DYNC1I1: variants seen among roughly 807,000 people sequenced by gnomAD.
The protein encoded by DYNC1I1 is cytoplasmic dynein 1 intermediate chain 1.
Under a neutral mutation model 86.6 loss-of-function variants are expected in DYNC1I1, and 43 were observed. The ratio of observed to expected loss-of-function variants is 0.50; its 90% CI spans 0.39 to 0.64. DYNC1I1 has a LOEUF of 0.64. Among genes scored for constraint, DYNC1I1 ranks in the 30% least tolerant of loss-of-function variants. DYNC1I1 has a pLI of 0.00. For synonymous variants in DYNC1I1, 262 were observed against 283.7 expected (o/e 0.92, Z 0.77); for missense variants, 604 against 788.8 (o/e 0.77, Z 2.81).
At chr7:96,021,464 G>T (rs987399209) in intron 10 of DYNC1I1, among the ~76,000 whole-genome samples, 8 of 152,110 alleles carry the variant, frequency 5.3e-5, no homozygotes, top group African/African-American at 2.4e-5. Context: ...AACAAATAAG[G>T]TTGGTAAGTT....
chr7:96,035,833 G>A, intron 13 of DYNC1I1, 81 bp downstream of exon 13: 9 of 1,571,986 alleles, frequency 5.7e-6, no homozygotes, highest in Non-Finnish European at 7.7e-6. Flanking sequence ...TAACCACCTT[G>A]CATTATGAGA....
chr7:95,814,246 T>C (rs77658143), intron 4 of DYNC1I1, among the ~76,000 whole-genome samples: 2,013 of 152,294 alleles, frequency 0.013, 34 homozygotes, highest in African/African-American at 0.044. Flanking sequence ...GATATTCAGG[T>C]GATAATCTCC....
At chr7:95,822,344 A>G (rs1217111467) in intron 4 of DYNC1I1, among the ~76,000 whole-genome samples, 1 of 152,156 alleles carries the variant, frequency 6.6e-6, no homozygotes, top group Non-Finnish European at 1.5e-5. Flanking sequence ...AAGAATTTTG[A>G]TGTTTGCCTA....
intron 8 of DYNC1I1, among the ~76,000 whole-genome samples, chr7:95,985,586 A>G (rs1400253728): frequency 6.6e-6 from 1 of 152,172 alleles, no homozygotes; most frequent in Non-Finnish European, 1.5e-5. Context: ...ATGACTGTCA[A>G]CCATCATCCT....
chr7:95,878,961 A>AC (rs1253892851), intron 6 of DYNC1I1, among the ~76,000 whole-genome samples: 1 of 151,682 alleles, frequency 6.6e-6, no homozygotes, highest in African/African-American at 2.4e-5. Context: ...GAAAAAAAAA[A>AC]AAACAACTAT....
chr7:96,048,232 T>G (rs1255089837), intron 14 of DYNC1I1, among the ~76,000 whole-genome samples: 1 of 152,080 alleles, frequency 6.6e-6, no homozygotes, highest in Non-Finnish European at 1.5e-5. Context: ...TAATTTAAAT[T>G]TTATGAGGTG....
intron 16 of DYNC1I1, among the ~76,000 whole-genome samples, chr7:96,083,902 G>T (rs1487421793): frequency 6.6e-6 from 1 of 152,182 alleles, no homozygotes; most frequent in Non-Finnish European, 1.5e-5. Context: ...AATGCTCTTA[G>T]ATAAGCTTTG....
At chr7:95,896,383 T>G (rs920000831) in intron 6 of DYNC1I1, among the ~76,000 whole-genome samples, 2 of 152,196 alleles carry the variant, frequency 1.3e-5, no homozygotes, top group African/African-American at 4.8e-5. Flanking sequence ...CCAACATTAC[T>G]AATAATGCGT....
At chr7:96,091,034 C>G (rs749386897) in intron 16 of DYNC1I1, among the ~76,000 whole-genome samples, 7 of 152,094 alleles carry the variant, frequency 4.6e-5, no homozygotes, top group Non-Finnish European at 8.8e-5. Context: ...CACTTTGCTC[C>G]CATCTGTGTG....
chr7:95,791,278 C>A (rs1381106392), intron 1 of DYNC1I1, among the ~76,000 whole-genome samples: 1 of 152,184 alleles, frequency 6.6e-6, no homozygotes, highest in Non-Finnish European at 1.5e-5. Flanking sequence ...TTGCCTGCAT[C>A]CTCTATCGAG....
intron 6 of DYNC1I1, among the ~76,000 whole-genome samples, chr7:95,884,552 T>C (rs1790540966): frequency 6.6e-6 from 1 of 152,080 alleles, no homozygotes. Flanking sequence ...AGGAAGGTCA[T>C]GAGAAACTCA....
chr7:95,909,907 T>C lies in DYNC1I1; in HGVS notation c.490+39909T>C, dbSNP rs559938822. On this transcript the variant is annotated intron_variant, in intron 6 of 16. Transcript: ENST00000447467. ...ACTGAGCCTCGTTCTCCATCCTGTT[T>C]CATCTGTCTTTCTCTCTCTTTCTCA... Among the ~76,000 whole-genome samples the C allele has an allele frequency of 2.2e-3, 331 of 152,256 alleles. 1 individual carries two copies. The highest frequency in any genetic ancestry group is 3.4e-3 in the Non-Finnish European group (230 of 68,008).
chr7:95,805,603 C>T (rs966431870), intron 2 of DYNC1I1, among the ~76,000 whole-genome samples: 2 of 152,110 alleles, frequency 1.3e-5, no homozygotes, highest in African/African-American at 4.8e-5. Flanking sequence ...CAATCCAATG[C>T]CTTGTTGTCA....
At chr7:95,942,946 T>C (rs1349178734) in intron 6 of DYNC1I1, among the ~76,000 whole-genome samples, 2 of 144,522 alleles carry the variant, frequency 1.4e-5, no homozygotes, top group Non-Finnish European at 3.0e-5. Context: ...GGAAGCATTC[T>C]CTTTGAAAAC....
At chr7:95,781,468 T>C (rs181379607) in intron 1 of DYNC1I1, among the ~76,000 whole-genome samples, 5 of 152,284 alleles carry the variant, frequency 3.3e-5, no homozygotes, top group Non-Finnish European at 5.9e-5. Flanking sequence ...GATAGAAAAG[T>C]TGGTTACAAA....
chr7:95,950,332 G>A (rs985708747), intron 6 of DYNC1I1, among the ~76,000 whole-genome samples: 4 of 152,130 alleles, frequency 2.6e-5, no homozygotes, highest in Non-Finnish European at 5.9e-5. Flanking sequence ...TTTTGGCTCA[G>A]TTTGGTTGAT....
chr7:96,025,322 G>A (rs939238326), intron 10 of DYNC1I1, among the ~76,000 whole-genome samples: 1 of 151,692 alleles, frequency 6.6e-6, no homozygotes, highest in African/African-American at 2.4e-5. Flanking sequence ...TATATGTCAT[G>A]TAATACATAT....
intron 10 of DYNC1I1, among the ~76,000 whole-genome samples, chr7:96,022,050 A>T (rs890179054): frequency 1.3e-5 from 2 of 152,108 alleles, no homozygotes; most frequent in African/African-American, 4.8e-5. Context: ...GACATATGAT[A>T]ATTCTATGTT....
chr7:95,878,113 G>A (rs1378239577), intron 6 of DYNC1I1, among the ~76,000 whole-genome samples: 2 of 152,270 alleles, frequency 1.3e-5, no homozygotes, highest in East Asian at 3.9e-4. Context: ...CTGGTATCCA[G>A]TGCTGCTACA....
Sources: allele counts gnomAD v4.1 joint callset (sites outside exome capture counted in the v4.1 genomes callset), GRCh38; gene constraint gnomAD v4.1.1; transcripts MANE v1.5; gene names NCBI Gene and HGNC (gene_info 2026-07-23, HGNC 2026-07-21).